The following SCN4B variants were observed in gnomAD, a reference collection of about 807,000 sequenced individuals.
SCN4B encodes the protein sodium voltage-gated channel beta subunit 4, also known as sodium channel regulatory subunit beta-4.
In SCN4B, 20 loss-of-function variants were observed where a neutral mutation model predicts 19.6. That is an observed-to-expected ratio of 1.02 (90% CI 0.72 to 1.48). SCN4B has a LOEUF of 1.48. SCN4B is among the 40% of genes most tolerant of loss of function. The probability of loss-of-function intolerance (pLI) is 0.00; values close to 1 mark genes in which losing one functional copy is unlikely to be tolerated. For synonymous variants in SCN4B, 127 were observed against 122.8 expected (o/e 1.03, Z -0.22); for missense variants, 271 against 287.5 (o/e 0.94, Z 0.42).
intron 3 of SCN4B, chr11:118,141,549 C>A: frequency 1.7e-6 from 1 of 605,908 alleles, no homozygotes; most frequent in Non-Finnish European, 3.0e-6. Context: ...ACATAAGGGG[C>A]CCTCTCCCCC....
chr11:118,142,898 C>T (rs1185124071), intron 3 of SCN4B: 1 of 152,234 alleles, frequency 6.6e-6, no homozygotes, highest in African/African-American at 2.4e-5. Context: ...ATAGGCAGAC[C>T]TATGACTCCA....
intron 3 of SCN4B, 149 bp from the exon 4 acceptor site, chr11:118,141,485 G>A (rs1451556199): frequency 4.7e-6 from 4 of 858,956 alleles, no homozygotes; most frequent in African/African-American, 1.7e-5. Flanking sequence ...CCCTCCCCAG[G>A]CCTGCAGCAG....
In SCN4B at chr11:118,134,015, G is replaced by T; in HGVS notation, c.*3012C>A. 2 of 454,586 alleles carry T rather than the reference G, an allele frequency of 4.4e-6. No homozygotes were observed. Among genetic ancestry groups the T allele is most frequent in the Non-Finnish European group, 8.8e-6 (2 of 226,776 alleles). 28.2% of individuals were successfully genotyped at this position (454,586 alleles called of 1,614,324 possible). ...CCATGCACCCACACTGCCTGCACAC[G>T]CACACTCCACACAAGCACACCCCAC... On this transcript the variant is annotated 3_prime_UTR_variant, in exon 5 of 5. Transcript: ENST00000324727.
intron 4 of SCN4B, among the ~76,000 whole-genome samples, chr11:118,139,926 C>T (rs1460357650): frequency 2.2e-5 from 3 of 134,404 alleles, no homozygotes; most frequent in African/African-American, 5.6e-5. Flanking sequence ...TTTTAAGAGA[C>T]GAGCTCTTGC....
intron 1 of SCN4B, among the ~76,000 whole-genome samples, chr11:118,147,476 C>T (rs1325185246): frequency 6.6e-6 from 1 of 152,184 alleles, no homozygotes; most frequent in Non-Finnish European, 1.5e-5. Flanking sequence ...AGATATTAGC[C>T]CCTTTCCACC....
chr11:118,145,203 A>AC lies in SCN4B; in HGVS notation c.87dup (p.Ser30ValfsTer45). ...GCCTTTCCCACAGACACCTCCAGCG[A>AC]CAGGGTTACGGGGAGCAGGAAGAGG... On this transcript the variant is annotated frameshift_variant, in exon 2 of 5. Transcript: ENST00000324727. LOFTEE classifies it high-confidence loss of function. 1 of 1,614,114 alleles carries AC rather than the reference A, an allele frequency of 6.2e-7. No homozygotes were observed.
At chr11:118,145,664 A>G in intron 1 of SCN4B, 1 of 336,858 alleles carries the variant, frequency 3.0e-6, no homozygotes, top group Non-Finnish European at 5.7e-6. Flanking sequence ...GCCTCTCGCC[A>G]GGTTTTCAGG....
At chr11:118,142,151 A>G (rs1948107019) in intron 3 of SCN4B, among the ~76,000 whole-genome samples, 1 of 152,152 alleles carries the variant, frequency 6.6e-6, no homozygotes, top group African/African-American at 2.4e-5. Context: ...TCTATCATCT[A>G]TTCTTGGCAT....
chr11:118,142,979 T>A (rs1168821426), intron 3 of SCN4B: 1 of 152,254 alleles, frequency 6.6e-6, no homozygotes, highest in Non-Finnish European at 1.5e-5. Flanking sequence ...CACGGGTGTC[T>A]CCCTCTCCAG....
rs1476635215 is a variant in SCN4B, at chr11:118,135,000, TG to T, written c.*2026del. On this transcript the variant is annotated 3_prime_UTR_variant, in exon 5 of 5. Coordinates refer to ENST00000324727, the MANE Select transcript of SCN4B (RefSeq NM_174934.4). Reference sequence around the variant, plus strand: ...CTTCTTCTCCCTACTCTACGTGCCTTGGCTTTCTCTTAAGACAGAAGGAGGA... The same window carrying T: ...CTTCTTCTCCCTACTCTACGTGCCTTGCTTTCTCTTAAGACAGAAGGAGGA... 1.5e-5 allele frequency: 7 copies of T among 454,114 alleles called. No individual in the cohort carries two copies. The highest frequency in any genetic ancestry group is 2.6e-5 in the Non-Finnish European group (6 of 226,788). 28.1% of individuals were successfully genotyped at this position (454,114 alleles called of 1,614,324 possible).
Position 118,145,159 on chromosome 11 carries a change from G to C in SCN4B, c.132C>G (p.Val44=), listed in dbSNP as rs1164775765. The change falls in exon 2 of 5, where the codon GTC becomes GTG. Residue 44 remains valine, a synonymous_variant. Coordinates refer to ENST00000324727, the MANE Select transcript of SCN4B (RefSeq NM_174934.4). ...AGGGCAGCAGGATCTCCGTGCCATT[G>C]ACAGCGTAGATGTCGGTGGCCTTTC... is the stretch of plus-strand genomic sequence containing the variant. The part of the protein sequence containing the change: ...SVGKATDIYA[V]NGTEILLPCT... 1.9e-6 allele frequency: 3 copies of C among 1,614,190 alleles called. No homozygotes were observed. The Admixed American group carries it at 5.0e-5, about 27-fold the overall frequency.
rs775830012 is a variant in SCN4B at position 118,143,885 on chromosome 11, C to T, written c.411G>A (p.Lys137=). The T allele has an allele frequency of 5.0e-6, 8 of 1,613,418 alleles. No homozygotes were observed. Among genetic ancestry groups the T allele is most frequent in the Non-Finnish European group, 1.7e-6 (2 of 1,179,998 alleles). Residue 137 remains lysine (K), a synonymous_variant, in exon 3 of 5, where the codon AAG becomes AAA. Coordinates refer to ENST00000324727, the MANE Select transcript of SCN4B (RefSeq NM_174934.4). The stretch of plus-strand genomic sequence containing the variant: ...TGGCGTGGTGCTGGAGATTATTCTC[C>T]TTGGGGTTCTTCACATGGCAGGTGT... ...GKYTCHVKNP[K]ENNLQHHATI...
chr11:118,136,410 T>C lies in SCN4B; in HGVS notation c.*617A>G, dbSNP rs1350272350. 2.2e-6 allele frequency: 1 copy of C among 452,230 alleles called. No individual in the cohort carries two copies. The highest frequency in any genetic ancestry group is 4.4e-6 in the Non-Finnish European group (1 of 226,278). The allele number at this position is 452,230 out of a possible 1,614,324, so 28.0% of individuals were successfully genotyped here. On this transcript the variant is annotated 3_prime_UTR_variant, in exon 5 of 5. Transcript: ENST00000324727. The stretch of plus-strand genomic sequence containing the variant: ...GCCCTGGTTGAGAGGGCTTAAAAAC[T>C]CTGAGCAGGGGAGGGGATAGGCAGA...
rs557146143 is a variant in SCN4B at position 118,138,146 on chromosome 11, G to T, written c.594-1026C>A. Among the ~76,000 whole-genome samples, 7 of 152,328 alleles carry T rather than the reference G, an allele frequency of 4.6e-5. No homozygotes were observed. In the East Asian group the frequency reaches 1.4e-3, roughly 29 times the overall value. On this transcript the variant is annotated intron_variant, in intron 4 of 4. Coordinates refer to ENST00000324727, the MANE Select transcript of SCN4B (RefSeq NM_174934.4). ...ACACAGAACTCCCCAGGGAGCACCT[G>T]CATCCCTCTGAGCTTTCTGCTCATG... is the stretch of plus-strand genomic sequence containing the variant.
chr11:118,133,898 A>C lies in SCN4B; in HGVS notation c.*3129T>G, dbSNP rs775158632. ...CCAGATGCCTCAACAGGCATAGCTC[A>C]GGCCAAGAAAGACGGCTCCTCAAAT... On this transcript the variant is annotated 3_prime_UTR_variant, in exon 5 of 5. Transcript: ENST00000324727. 18 of 454,310 alleles carry C rather than the reference A, an allele frequency of 4.0e-5. No individual in the cohort carries two copies. Among genetic ancestry groups the C allele is most frequent in the South Asian group, 2.6e-4 (17 of 64,484 alleles). 28.1% of individuals were successfully genotyped at this position (454,310 alleles called of 1,614,324 possible).
intron 2 of SCN4B, among the ~76,000 whole-genome samples, chr11:118,144,528 T>C (rs1027123459): frequency 6.6e-5 from 10 of 152,134 alleles, no homozygotes; most frequent in Non-Finnish European, 8.8e-5. Context: ...AGAGTTGGTC[T>C]CTTGTGGCTT....
At position 118,135,940 on chromosome 11, in the gene SCN4B, T is replaced by G. The variant is rs1437206262; in HGVS notation, c.*1087A>C. On this transcript the variant is annotated 3_prime_UTR_variant, in exon 5 of 5. Coordinates refer to ENST00000324727, the MANE Select transcript of SCN4B (RefSeq NM_174934.4). ...GCAGCTGGGAAACCCAAGGACCCCCTCATCCAAAGGAAGAGAGTCCCTGAG... is the reference window on the plus strand; with the variant it reads ...GCAGCTGGGAAACCCAAGGACCCCCGCATCCAAAGGAAGAGAGTCCCTGAG... 8.8e-6 allele frequency: 4 copies of G among 453,480 alleles called. No homozygotes were observed. Among genetic ancestry groups the G allele is most frequent in the Non-Finnish European group, 1.8e-5 (4 of 226,568 alleles). 28.1% of individuals were successfully genotyped at this position (453,480 alleles called of 1,614,324 possible). A position where few individuals can be genotyped will look rare whatever the true frequency, so the allele number is the denominator to read the frequency against.
intron 4 of SCN4B, among the ~76,000 whole-genome samples, chr11:118,137,466 T>G (rs1285799012): frequency 6.6e-6 from 1 of 151,902 alleles, no homozygotes; most frequent in Non-Finnish European, 1.5e-5. Flanking sequence ...AGGTCAGGAG[T>G]TCGAGACCAG....
At position 118,141,332 on chromosome 11, in the gene SCN4B, T is replaced by G. The variant is rs754601102; in HGVS notation, c.468A>C (p.Glu156Asp). 3 of 1,612,338 alleles carry G rather than the reference T, an allele frequency of 1.9e-6. No individual in the cohort carries two copies. The highest frequency in any genetic ancestry group is 2.5e-6 in the Non-Finnish European group (3 of 1,179,998). The stretch of plus-strand genomic sequence containing the variant: ...TGAGTGTCACTGTGTTGTCCACTTC[T>G]TCCACTGTGTGGCCCGAGTAGGGAG... Reference protein sequence around the residue: ...TIFLQVVDRLEEVDNTVTLII... With the variant: ...TIFLQVVDRLDEVDNTVTLII... Residue 156 changes from glutamate to aspartate, a missense_variant, in exon 4 of 5, where the codon GAA becomes GAC. Coordinates refer to ENST00000324727, the MANE Select transcript of SCN4B (RefSeq NM_174934.4).
Sources: gnomAD v4.1 joint callset for allele counts (sites outside exome capture counted in the v4.1 genomes callset) on GRCh38, gnomAD v4.1.1 for gene constraint, MANE v1.5 for transcripts, NCBI Gene and HGNC (gene_info 2026-07-23, HGNC 2026-07-21) for gene names.